MKLN1: variants seen among roughly 807,000 people sequenced by gnomAD.
MKLN1 encodes muskelin 1.
In MKLN1, 18 loss-of-function variants were observed where a neutral mutation model predicts 99.0. That is an observed-to-expected ratio of 0.18 (90% CI 0.13 to 0.27). The LOEUF is 0.27. MKLN1 is among the 10% of genes least tolerant of loss of function. The probability of loss-of-function intolerance (pLI) is 1.00; values close to 1 mark genes in which losing one functional copy is unlikely to be tolerated. For synonymous variants in MKLN1, 288 were observed against 293.2 expected (o/e 0.98, Z 0.18); for missense variants, 621 against 875.9 (o/e 0.71, Z 3.67).
intron 2 of MKLN1, among the ~76,000 whole-genome samples, chr7:131,174,947 G>A (rs987676072): frequency 6.9e-6 from 1 of 144,420 alleles, no homozygotes; most frequent in East Asian, 2.0e-4. Context: ...CCTGATAACT[G>A]GTAGATGATA....
chr7:131,496,372 C>T lies in MKLN1; in HGVS notation c.*8644C>T, dbSNP rs1319405544. The T allele has an allele frequency of 6.6e-6, 1 of 152,084 alleles. No individual in the cohort carries two copies. The highest frequency in any genetic ancestry group is 1.5e-5 in the Non-Finnish European group (1 of 68,042). 9.4% of individuals were successfully genotyped at this position (152,084 alleles called of 1,614,324 possible). On this transcript the variant is annotated 3_prime_UTR_variant, in exon 18 of 18. Coordinates refer to ENST00000352689, the MANE Select transcript of MKLN1 (RefSeq NM_013255.5). ...AATCATTGTTGGGCTCTGTCGTGTT[C>T]TGCAATCTTCCCCATTCCCCTCATG...
chr7:131,257,575 T>C (rs1797674559), intron 3 of MKLN1, among the ~76,000 whole-genome samples: 1 of 152,198 alleles, frequency 6.6e-6, no homozygotes, highest in East Asian at 1.9e-4. Context: ...CTTGCAATTT[T>C]ATCACACTTC....
intron 12 of MKLN1, among the ~76,000 whole-genome samples, chr7:131,459,585 T>A (rs1353268043): frequency 6.6e-6 from 1 of 152,192 alleles, no homozygotes; most frequent in East Asian, 1.9e-4. Context: ...TCTGAGCCCC[T>A]GACAAGGTCT....
At chr7:131,210,751 AGGGAGGGGAGG>A (rs1796890989) in intron 3 of MKLN1, among the ~76,000 whole-genome samples, 1 of 10 alleles carries the variant, frequency 0.1, no homozygotes, top group Non-Finnish European at 0.25. Flanking sequence ...GGAGGGAGGG[AGGGAGGGGAGG>A]GGGGAGGGGA....
At chr7:131,375,626 C>G (rs184999335) in intron 2 of MKLN1, 133 bp downstream of exon 2, 1 of 553,104 alleles carries the variant, frequency 1.8e-6, no homozygotes, top group Non-Finnish European at 3.2e-6. Context: ...TTTATTCTCT[C>G]TATTTTTGCT....
At position 131,490,859 on chromosome 7, in the gene MKLN1, G is replaced by A. The variant is rs1797406214; in HGVS notation, c.*3131G>A. On this transcript the variant is annotated 3_prime_UTR_variant, in exon 18 of 18. Transcript: ENST00000352689. ...TGCTATGTAGAGATACATTAACAGAGTTATAATAAAACAGTGTTTTAAAAT... is the reference window on the plus strand; with the variant it reads ...TGCTATGTAGAGATACATTAACAGAATTATAATAAAACAGTGTTTTAAAAT... 2 of 152,494 alleles carry A rather than the reference G, an allele frequency of 1.3e-5. No individual in the cohort carries two copies. The highest frequency in any genetic ancestry group is 2.9e-5 in the Non-Finnish European group (2 of 68,006). 9.4% of individuals were successfully genotyped at this position (152,494 alleles called of 1,614,324 possible).
intron 1 of MKLN1, among the ~76,000 whole-genome samples, chr7:131,354,539 A>G (rs1476651327): frequency 1.3e-5 from 2 of 149,652 alleles, no homozygotes; most frequent in East Asian, 3.9e-4. Flanking sequence ...ATCTTGTGGG[A>G]TTTTTCACGT....
chr7:131,399,367 C>T lies in MKLN1; in HGVS notation c.637C>T (p.His213Tyr). ...ALEHPMLTDI[H>Y]DKLVLKGDFD... ...GGAACATCCCATGTTAACAGATATT[C>T]ATGACAAGCTGGTGTTGAAGGGTGA... The change falls in exon 6 of 18, where the codon CAT becomes TAT. Residue 213 changes from histidine (H) to tyrosine (Y), a missense_variant. By Grantham distance (83) the His-to-Tyr change is moderately conservative. This residue lies in a region of MKLN1 where 361 missense variants were observed against 540.8 expected (regional missense o/e 0.67). Transcript: ENST00000352689. 6.2e-7 allele frequency: 1 copy of T among 1,613,972 alleles called. No individual in the cohort carries two copies. The highest frequency in any genetic ancestry group is 8.5e-7 in the Non-Finnish European group (1 of 1,179,916).
At chr7:131,470,774 C>A in intron 15 of MKLN1, 68 bp from the exon 16 acceptor site, 1 of 1,011,828 alleles carries the variant, frequency 9.9e-7, no homozygotes, top group Non-Finnish European at 1.6e-6. Context: ...TATTTTATTC[C>A]AGGTCTGAAA....
At chr7:131,375,645 A>G in intron 2 of MKLN1, 152 bp downstream of exon 2, 4 of 519,964 alleles carry the variant, frequency 7.7e-6, no homozygotes, top group Non-Finnish European at 1.4e-5. Flanking sequence ...CTTGTTTATT[A>G]AATTTTGGAA....
intron 3 of MKLN1, among the ~76,000 whole-genome samples, chr7:131,308,514 G>A (rs1798503585): frequency 6.6e-6 from 1 of 152,090 alleles, no homozygotes; most frequent in Non-Finnish European, 1.5e-5. Flanking sequence ...ACCTGCCTTG[G>A]CCTCCCAAAG....
At position 131,491,462 on chromosome 7, in the gene MKLN1, G is replaced by A. The variant is rs1181154625; in HGVS notation, c.*3734G>A. ...GGATGCTTTAACACAAAAGATTTTT[G>A]TTATCCTTATTAGTCAAATAACGCT... On this transcript the variant is annotated 3_prime_UTR_variant, in exon 18 of 18. Transcript: ENST00000352689. The A allele has an allele frequency of 6.6e-6, 1 of 152,056 alleles. No individual in the cohort carries two copies. The highest frequency in any genetic ancestry group is 1.5e-5 in the Non-Finnish European group (1 of 67,996). 9.4% of individuals were successfully genotyped at this position (152,056 alleles called of 1,614,324 possible).
chr7:131,173,679 A>G (rs914808648), intron 2 of MKLN1, among the ~76,000 whole-genome samples: 1 of 152,164 alleles, frequency 6.6e-6, no homozygotes, highest in Non-Finnish European at 1.5e-5. Flanking sequence ...AGATCGTGCC[A>G]TTGCATTCCA....
intron 1 of MKLN1, among the ~76,000 whole-genome samples, chr7:131,364,308 A>T (rs891968886): frequency 6.6e-6 from 1 of 152,064 alleles, no homozygotes; most frequent in Non-Finnish European, 1.5e-5. Context: ...CTTCCCACAC[A>T]TTTGTAGCTA....
intron 3 of MKLN1, among the ~76,000 whole-genome samples, chr7:131,315,710 G>A (rs534194926): frequency 6.6e-6 from 1 of 152,300 alleles, no homozygotes; most frequent in Non-Finnish European, 1.5e-5. Context: ...GAGCTTGGTG[G>A]GGGGAGGGGC....
At chr7:131,300,581 A>G (rs1584900185) in intron 3 of MKLN1, among the ~76,000 whole-genome samples, 3 of 150,888 alleles carry the variant, frequency 2.0e-5, no homozygotes, top group Admixed American at 6.6e-5. Flanking sequence ...CAGCTACTCC[A>G]GAGGCTAAGG....
intron 1 of MKLN1, among the ~76,000 whole-genome samples, chr7:131,127,715 T>TAGATGTG (rs1795485735): frequency 2.0e-5 from 3 of 152,198 alleles, no homozygotes; most frequent in African/African-American, 4.8e-5. Flanking sequence ...TACCACTGTG[T>TAGATGTG]CCTACCTCTT....
At chr7:131,242,610 C>A (rs1321228028) in intron 3 of MKLN1, 3 of 496,954 alleles carry the variant, frequency 6.0e-6, no homozygotes, top group Non-Finnish European at 1.2e-5. Flanking sequence ...GTTCATGAAA[C>A]CTGGGACGGT....
chr7:131,152,809 G>A (rs34673956), intron 2 of MKLN1, among the ~76,000 whole-genome samples: 67,882 of 151,634 alleles, frequency 0.45, 16,718 homozygotes, highest in Non-Finnish European at 0.57. Context: ...TCCAAATAAG[G>A]TTCATACACT....
Sources: gnomAD v4.1 joint callset for allele counts (sites outside exome capture counted in the v4.1 genomes callset) on GRCh38, gnomAD v4.1.1 for gene constraint, gnomAD v4.1.1 regional missense constraint, MANE v1.5 for transcripts, NCBI Gene and HGNC (gene_info 2026-07-23, HGNC 2026-07-21) for gene names.